The following KALRN variants were observed in gnomAD, a reference collection of about 807,000 sequenced individuals.
KALRN encodes the protein kalirin.
KALRN carries 70 observed loss-of-function variants against 353.7 expected under a neutral mutation model. The observed-to-expected ratio is 0.20, with a 90% CI of 0.16 to 0.24. The LOEUF is 0.24. Ranked by LOEUF, KALRN falls within the 10% of genes least tolerant of loss-of-function variation. The pLI is 1.00. For synonymous variants in KALRN, 1,391 were observed against 1,434.8 expected, an observed-to-expected ratio of 0.97 and a Z score of 0.69; for missense variants, 2,791 against 3,756.7, an observed-to-expected ratio of 0.74 and a Z score of 6.72.
rs143029348 is a variant in KALRN at position 124,384,206 on chromosome 3, C to G, written c.1771-639C>G. Among the ~76,000 whole-genome samples, 967 of 152,252 alleles carry G rather than the reference C, an allele frequency of 6.4e-3. 15 individuals are homozygous for G. The highest frequency in any genetic ancestry group is 6.8e-3 in the Non-Finnish European group (463 of 68,030). ...GTGTGCATGTGTGTGCATGCAGTAG[C>G]TTATGATAAACAAAATCACCAGACT... On this transcript the variant is annotated intron_variant, in intron 10 of 59. Coordinates refer to ENST00000682506, the MANE Select transcript of KALRN (RefSeq NM_001388419.1).
intron 1 of KALRN, among the ~76,000 whole-genome samples, chr3:124,088,501 G>C (rs2060941191): frequency 1.3e-5 from 2 of 152,340 alleles, no homozygotes; most frequent in African/African-American, 4.8e-5. Flanking sequence ...CTGGTCCCAT[G>C]AATTGAGAAT....
chr3:124,546,601 C>T (rs964139785), intron 33 of KALRN, among the ~76,000 whole-genome samples: 1 of 152,046 alleles, frequency 6.6e-6, no homozygotes, highest in Non-Finnish European at 1.5e-5. Context: ...AGTACAAAAT[C>T]AGAATGCCTC....
chr3:124,656,833 TGGGGCTG>T (rs1250901935), intron 39 of KALRN, among the ~76,000 whole-genome samples: 2 of 152,024 alleles, frequency 1.3e-5, no homozygotes, highest in Non-Finnish European at 2.9e-5. Flanking sequence ...TGTCTTTTTG[TGGGGCTG>T]GGGGGTGGAA....
At chr3:124,212,300 C>T (rs1160144344) in intron 1 of KALRN, among the ~76,000 whole-genome samples, 1 of 151,626 alleles carries the variant, frequency 6.6e-6, no homozygotes, top group Non-Finnish European at 1.5e-5. Flanking sequence ...CACATCAAAT[C>T]ACTATTTCAG....
chr3:124,199,702 A>G (rs923414855), intron 1 of KALRN, among the ~76,000 whole-genome samples: 2 of 152,178 alleles, frequency 1.3e-5, no homozygotes, highest in Non-Finnish European at 2.9e-5. Flanking sequence ...TAAGTGCTCC[A>G]TTGGAGGGGT....
intron 1 of KALRN, among the ~76,000 whole-genome samples, chr3:124,165,194 A>T (rs1305538184): frequency 6.6e-6 from 1 of 152,258 alleles, no homozygotes. Flanking sequence ...TTACTGAATT[A>T]TAAAATATAA....
chr3:124,633,471 T>G (rs2081004433), intron 35 of KALRN, among the ~76,000 whole-genome samples: 1 of 152,268 alleles, frequency 6.6e-6, no homozygotes, highest in South Asian at 2.1e-4. Context: ...TTATGCTACC[T>G]GCCATTTCTC....
At chr3:124,308,441 T>TA (rs1169489855) in intron 6 of KALRN, among the ~76,000 whole-genome samples, 1 of 151,276 alleles carries the variant, frequency 6.6e-6, no homozygotes, top group Non-Finnish European at 1.5e-5. Context: ...CCTCATGAAA[T>TA]AAAAAAGGAT....
chr3:124,216,720 C>T (rs1245602250), intron 1 of KALRN, among the ~76,000 whole-genome samples: 1 of 149,766 alleles, frequency 6.7e-6, no homozygotes, highest in Non-Finnish European at 1.5e-5. Flanking sequence ...CATTGTTATG[C>T]TTCTTTCTAA....
chr3:124,034,116 C>A (rs1174914421), intron 1 of KALRN, among the ~76,000 whole-genome samples: 1 of 152,070 alleles, frequency 6.6e-6, no homozygotes, highest in Non-Finnish European at 1.5e-5. Context: ...CGGGGATGGG[C>A]GGTGTTGGCT....
intron 50 of KALRN, among the ~76,000 whole-genome samples, chr3:124,679,038 T>C (rs1325065614): frequency 6.6e-6 from 1 of 152,256 alleles, no homozygotes; most frequent in East Asian, 1.9e-4. Flanking sequence ...AATTATGCTA[T>C]AATGTGTGAT....
intron 25 of KALRN, among the ~76,000 whole-genome samples, chr3:124,462,989 T>C (rs888979563): frequency 6.6e-6 from 1 of 152,260 alleles, no homozygotes; most frequent in African/African-American, 2.4e-5. Context: ...CACCTTGTGA[T>C]CTTTAGGTTT....
intron 3 of KALRN, among the ~76,000 whole-genome samples, chr3:124,243,146 G>A (rs1579932765): frequency 6.6e-6 from 1 of 152,172 alleles, no homozygotes; most frequent in East Asian, 1.9e-4. Flanking sequence ...TGTAGTGTCA[G>A]AAGTACAATT....
At chr3:124,376,477 A>G (rs1406168517) in intron 10 of KALRN, among the ~76,000 whole-genome samples, 1 of 152,192 alleles carries the variant, frequency 6.6e-6, no homozygotes, top group Non-Finnish European at 1.5e-5. Context: ...CCACTTTGCC[A>G]TTCCCAGAAT....
intron 34 of KALRN, among the ~76,000 whole-genome samples, chr3:124,606,929 T>G (rs537785211): frequency 6.6e-6 from 1 of 152,228 alleles, no homozygotes; most frequent in South Asian, 2.1e-4. Flanking sequence ...CCCTTCAGAT[T>G]GGCAAAATTA....
In KALRN at chr3:124,642,806, G is replaced by GTTGTTGTTTTTTTTTTT. The variant is rs796628603; in HGVS notation, c.5664+5505_5664+5506insGTTGTTTTTTTTTTTTT. On this transcript the variant is annotated intron_variant, in intron 37 of 59. Transcript: ENST00000682506. ...TCTGTGGAAGAGATTCCCAAGCCTC[G>GTTGTTGTTTTTTTTTTT]TTTTTTTTTTTTTTTTTTTTGAGAC... 8.3e-5 allele frequency among the ~76,000 whole-genome samples: 8 copies of GTTGTTGTTTTTTTTTTT among 96,818 alleles called. 1 individual carries two copies. Among genetic ancestry groups the GTTGTTGTTTTTTTTTTT allele is most frequent in the African/African-American group, 3.6e-4 (8 of 22,308 alleles). The allele number at this position is 96,818 out of a possible 152,430, so 63.5% of individuals were successfully genotyped here.
At chr3:124,307,634 G>GA (rs1015534837) in intron 6 of KALRN, among the ~76,000 whole-genome samples, 1 of 151,482 alleles carries the variant, frequency 6.6e-6, no homozygotes, top group African/African-American at 2.4e-5. Context: ...AAAATATAGT[G>GA]AAAAAAATCA....
chr3:124,566,811 G>A (rs1395056859), intron 34 of KALRN, among the ~76,000 whole-genome samples: 1 of 152,190 alleles, frequency 6.6e-6, no homozygotes, highest in African/African-American at 2.4e-5. Context: ...TGTTCCTCTG[G>A]GGGTTGTGGA....
At chr3:124,598,254 A>C (rs1442788179) in intron 34 of KALRN, among the ~76,000 whole-genome samples, 1 of 152,228 alleles carries the variant, frequency 6.6e-6, no homozygotes, top group Admixed American at 6.5e-5. Context: ...AGAGAGGTCC[A>C]GCTGGTCTTG....
Sources: allele counts gnomAD v4.1 joint callset (sites outside exome capture counted in the v4.1 genomes callset), GRCh38; gene constraint gnomAD v4.1.1; transcripts MANE v1.5; gene names NCBI Gene and HGNC (gene_info 2026-07-23, HGNC 2026-07-21).